The following FRY variants were observed in gnomAD, a reference collection of about 807,000 sequenced individuals.
FRY encodes protein furry homolog.
A neutral mutation model predicts 348.4 loss-of-function variants in FRY; 128 were observed. The ratio of observed to expected loss-of-function variants is 0.37; its 90% confidence interval spans 0.32 to 0.43. FRY has a LOEUF of 0.43. FRY is among the 20% of genes least tolerant of loss of function. The pLI is 1.00. For missense variants in FRY, 2,736 were observed against 3,695.2 expected (o/e 0.74, Z 6.73); for synonymous variants, 1,370 against 1,374.7 (o/e 1.00, Z 0.08).
chr13:32,088,367 T>C (rs1876025946), intron 2 of FRY, among the ~76,000 whole-genome samples: 1 of 152,218 alleles, frequency 6.6e-6, no homozygotes, highest in South Asian at 2.1e-4. Context: ...AGTTTTCAAA[T>C]TATAAATAAA....
At chr13:32,032,029 TTCTTTC>T (rs1872263411) in intron 1 of FRY, among the ~76,000 whole-genome samples, 164 bp downstream of exon 1, 1 of 150,778 alleles carries the variant, frequency 6.6e-6, no homozygotes, top group Non-Finnish European at 1.5e-5. Flanking sequence ...TTCTTTTTCT[TTCTTTC>T]TTTCTTTCTT....
chr13:32,253,906 A>C (rs1225656702), intron 50 of FRY, among the ~76,000 whole-genome samples: 2 of 151,934 alleles, frequency 1.3e-5, no homozygotes, highest in East Asian at 3.8e-4. Context: ...GAAACAGTGG[A>C]ACATTTTCCT....
Position 32,173,549 on chromosome 13 carries a change from GGTATGGATTA to G in FRY, c.2334+3_2334+12del. The G allele has an allele frequency of 6.2e-7, 1 of 1,609,878 alleles. No homozygotes were observed. The highest frequency in any genetic ancestry group is 8.5e-7 in the Non-Finnish European group (1 of 1,176,658). On this transcript the variant is annotated splice_donor_variant and splice_donor_5th_base_variant and intron_variant, in intron 19 of 60. Coordinates refer to ENST00000542859, the MANE Select transcript of FRY (RefSeq NM_023037.3). LOFTEE classifies it high-confidence loss of function. ...TGTTTATTGCCCTGGGGCAGCCTGA[GGTATGGATTA>G]GTCTTCTGAATTTTTCCATTTCTTA...
rs1265473914 is a variant in FRY, at chr13:32,077,158, A to G, written c.71-1676A>G. Among the ~76,000 whole-genome samples, 5 of 152,332 alleles carry G rather than the reference A, an allele frequency of 3.3e-5. No homozygotes were observed. The East Asian group carries it at 9.6e-4, about 29-fold the overall frequency. On this transcript the variant is annotated intron_variant, in intron 1 of 60. Transcript: ENST00000542859. ...CTCACAGGCCAATGAGGGCATCAGC[A>G]GGACTTGGGTGAGGGTGTGGAGGCA...
intron 47 of FRY, among the ~76,000 whole-genome samples, chr13:32,245,434 A>G (rs1159651118): frequency 1.3e-5 from 2 of 151,976 alleles, no homozygotes; most frequent in East Asian, 3.9e-4. Flanking sequence ...GTGACACCCC[A>G]TCTCTACAAA....
chr13:32,275,320 A>G (rs1394998796), intron 56 of FRY, among the ~76,000 whole-genome samples: 1 of 150,966 alleles, frequency 6.6e-6, no homozygotes, highest in Non-Finnish European at 1.5e-5. Flanking sequence ...CCCGGGGGGC[A>G]GAGCTTGCAG....
intron 2 of FRY, among the ~76,000 whole-genome samples, chr13:32,087,265 G>A (rs146910421): frequency 8.5e-5 from 13 of 152,354 alleles, no homozygotes; most frequent in African/African-American, 2.4e-4. Context: ...TGAAAGGCCA[G>A]GCAATTAGCT....
At chr13:32,267,504 G>C (rs1887982074) in intron 55 of FRY, 145 bp downstream of exon 55, 3 of 725,900 alleles carry the variant, frequency 4.1e-6, no homozygotes, top group Non-Finnish European at 4.8e-6. Flanking sequence ...CTCTGACTTT[G>C]AAATTTCTTC....
chr13:32,099,386 A>G (rs1212169571), intron 2 of FRY, among the ~76,000 whole-genome samples: 1 of 151,926 alleles, frequency 6.6e-6, no homozygotes, highest in Non-Finnish European at 1.5e-5. Flanking sequence ...AAATAAGGGT[A>G]AGTAACATAA....
At chr13:32,175,413 C>A (rs1882305766) in intron 19 of FRY, 133 bp from the exon 20 acceptor site, 2 of 711,828 alleles carry the variant, frequency 2.8e-6, no homozygotes, top group South Asian at 1.5e-5. Flanking sequence ...ACCCTCTGGG[C>A]ACTCACTTTT....
chr13:32,105,727 G>C (rs117422402), intron 3 of FRY, among the ~76,000 whole-genome samples: 2 of 152,194 alleles, frequency 1.3e-5, no homozygotes, highest in Non-Finnish European at 2.9e-5. Flanking sequence ...ATATGTGATA[G>C]GTACTATGCT....
intron 60 of FRY, 75 bp downstream of exon 60, chr13:32,294,645 T>C: frequency 8.8e-7 from 1 of 1,130,468 alleles, no homozygotes; most frequent in Non-Finnish European, 1.3e-6. Context: ...GGTTGGAGTC[T>C]AGCCCACTAC....
rs1883094420 is a variant in FRY at position 32,187,537 on chromosome 13, T to C, written c.3481-9T>C. The C allele has an allele frequency of 6.5e-7, 1 of 1,547,566 alleles. No individual in the cohort carries two copies. The highest frequency in any genetic ancestry group is 8.9e-7 in the Non-Finnish European group (1 of 1,119,270). On this transcript the variant is annotated splice_polypyrimidine_tract_variant and intron_variant, in intron 27 of 60. Transcript: ENST00000542859. Reference sequence around the variant, plus strand: ...TCATTTCCATGTCTTGTTGTGTTTTTATCATCAGGCAATGTCAGCAGTACT... The same window carrying C: ...TCATTTCCATGTCTTGTTGTGTTTTCATCATCAGGCAATGTCAGCAGTACT...
chr13:32,191,421 C>A (rs1247610944), intron 28 of FRY, among the ~76,000 whole-genome samples: 2 of 151,988 alleles, frequency 1.3e-5, no homozygotes, highest in African/African-American at 4.8e-5. Context: ...ATATAAAGGA[C>A]CCCTACAAAT....
At chr13:32,241,852 A>T (rs1886525972) in intron 46 of FRY, among the ~76,000 whole-genome samples, 1 of 152,202 alleles carries the variant, frequency 6.6e-6, no homozygotes, top group Admixed American at 6.5e-5. Context: ...TTTATTATGA[A>T]CTTAACCAAG....
chr13:32,183,086 G>A, intron 24 of FRY, 52 bp downstream of exon 24: 1 of 1,098,386 alleles, frequency 9.1e-7, no homozygotes, highest in Non-Finnish European at 1.4e-6. Flanking sequence ...ACAATCATCT[G>A]AATTTAAATC....
intron 11 of FRY, among the ~76,000 whole-genome samples, chr13:32,137,757 G>A (rs1879812800): frequency 6.6e-6 from 1 of 152,130 alleles, no homozygotes; most frequent in African/African-American, 2.4e-5. Flanking sequence ...TCTTTTACCA[G>A]TTTGATATTA....
intron 49 of FRY, among the ~76,000 whole-genome samples, chr13:32,251,367 A>G (rs546628567): frequency 4.3e-4 from 65 of 152,362 alleles, no homozygotes; most frequent in African/African-American, 1.5e-3. Context: ...TTCTACAGAA[A>G]GTATTCTTCT....
At chr13:32,082,016 G>A (rs1456868080) in intron 2 of FRY, among the ~76,000 whole-genome samples, 1 of 152,004 alleles carries the variant, frequency 6.6e-6, no homozygotes, top group Non-Finnish European at 1.5e-5. Context: ...ACTTGTATGG[G>A]GATGGCAAAG....
Sources: gnomAD v4.1 joint callset for allele counts (sites outside exome capture counted in the v4.1 genomes callset) on GRCh38, gnomAD v4.1.1 for gene constraint, MANE v1.5 for transcripts, NCBI Gene and HGNC (gene_info 2026-07-23, HGNC 2026-07-21) for gene names.